Variants in TSC22D3 observed in about 807,000 individuals in gnomAD.
TSC22D3 encodes TSC22 domain family protein 3.
Under a neutral mutation model 11.1 loss-of-function variants are expected in TSC22D3, and 4 were observed. The ratio of observed to expected loss-of-function variants is 0.36; its 90% CI spans 0.18 to 0.83. TSC22D3 has a LOEUF of 0.83. TSC22D3 is among the 40% of genes least tolerant of loss of function. TSC22D3 has a pLI of 0.48. For synonymous variants in TSC22D3, 77 were observed against 70.3 expected (o/e 1.10, Z -0.48); for missense variants, 118 against 159.4 (o/e 0.74, Z 1.40).
In TSC22D3 at chrX:107,757,525, C is replaced by A. The variant is rs181983271; in HGVS notation, c.320+17575G>T. The stretch of plus-strand genomic sequence containing the variant: ...CAGGTGATGAACAAAACACTACAAA[C>A]TTTAAAAGAAACATATAGATTCTTA... On this transcript the variant is annotated intron_variant, in intron 1 of 2. Transcript: ENST00000372383. Among the ~76,000 whole-genome samples the A allele has an allele frequency of 2.1e-4, 24 of 112,414 alleles. 1 individual carries two copies. The highest frequency in any genetic ancestry group is 1.6e-3 in the Admixed American group (17 of 10,681).
intron 1 of TSC22D3, chrX:107,716,581 G>C: frequency 1.2e-5 from 9 of 732,971 alleles, no homozygotes; most frequent in South Asian, 7.7e-5. Flanking sequence ...ATGCTGCACC[G>C]CGGGGAACAG....
At chrX:107,716,545 T>TGGCCGC in intron 1 of TSC22D3, 1 of 796,121 alleles carries the variant, frequency 1.3e-6, no homozygotes, top group Non-Finnish European at 1.5e-6. Flanking sequence ...CCTTCCTGCG[T>TGGCCGC]CCCCTCCCCC....
intron 1 of TSC22D3, among the ~76,000 whole-genome samples, chrX:107,770,536 C>T (rs966111431): frequency 2.2e-4 from 25 of 111,665 alleles, no homozygotes; most frequent in Non-Finnish European, 4.5e-4. Context: ...TTATCATTTT[C>T]TGAGCATTTA....
intron 1 of TSC22D3, among the ~76,000 whole-genome samples, chrX:107,766,280 C>A (rs890929214): frequency 8.9e-6 from 1 of 111,888 alleles, no homozygotes; most frequent in Non-Finnish European, 1.9e-5. Flanking sequence ...ATGTAATTTT[C>A]TGAATAGGCC....
chrX:107,753,489 T>C (rs1929032489), intron 1 of TSC22D3, among the ~76,000 whole-genome samples: 1 of 111,288 alleles, frequency 9.0e-6, no homozygotes, highest in Non-Finnish European at 1.9e-5. Flanking sequence ...CAGACTCACA[T>C]GGGTCAGACG....
In TSC22D3 at chrX:107,714,430, T is replaced by G; in HGVS notation, c.*89A>C. On this transcript the variant is annotated 3_prime_UTR_variant, in exon 3 of 3. Transcript: ENST00000372383. ...TGTGCTAGGTGTAAAGTTCTCCTCG[T>G]GAGATGATGCTTGGGGAGCCAAAAA... 1.5e-4 allele frequency: 129 copies of G among 849,797 alleles called. No individual in the cohort carries two copies. The highest frequency in any genetic ancestry group is 1.9e-4 in the Non-Finnish European group (113 of 606,730). 70.0% of individuals were successfully genotyped at this position (849,797 alleles called of 1,213,427 possible). A position where few individuals can be genotyped will look rare whatever the true frequency, so the allele number is the denominator to read the frequency against.
chrX:107,762,499 G>A (rs1929481371), intron 1 of TSC22D3, among the ~76,000 whole-genome samples: 1 of 111,240 alleles, frequency 9.0e-6, no homozygotes, highest in Non-Finnish European at 1.9e-5. Context: ...TTTCTTATAA[G>A]CACCTGGTCC....
At position 107,775,533 on chromosome X, in the gene TSC22D3, G is replaced by T; in HGVS notation, c.-114C>A. On this transcript the variant is annotated 5_prime_UTR_variant, in exon 1 of 3. Coordinates refer to ENST00000372383, the MANE Select transcript of TSC22D3 (RefSeq NM_198057.3). ...GTGCCTGGAAAAGACAAGCTGTGAGGAAAAGAGTTGGAAATTAGCGCCTAA... is the reference window on the plus strand; with the variant it reads ...GTGCCTGGAAAAGACAAGCTGTGAGTAAAAGAGTTGGAAATTAGCGCCTAA... The T allele has an allele frequency of 1.7e-6, 1 of 594,010 alleles. No homozygotes were observed. The highest frequency in any genetic ancestry group is 2.5e-6 in the Non-Finnish European group (1 of 394,548). 49.0% of individuals were successfully genotyped at this position (594,010 alleles called of 1,213,427 possible). A position where few individuals can be genotyped will look rare whatever the true frequency, so the allele number is the denominator to read the frequency against.
At chrX:107,726,974 A>G (rs1012570068) in intron 1 of TSC22D3, among the ~76,000 whole-genome samples, 1 of 112,112 alleles carries the variant, frequency 8.9e-6, no homozygotes, top group Non-Finnish European at 1.9e-5. Context: ...AGCTAAAGTA[A>G]ATATGGAAAC....
rs1929177180 is a variant in TSC22D3 at position 107,756,413 on chromosome X, C to T, written c.320+18687G>A. On this transcript the variant is annotated intron_variant, in intron 1 of 2. Transcript: ENST00000372383. Reference sequence around the variant, plus strand: ...ATAAATAGCTATAAAAATAGAAAAACAAAGTTAGTCCACGTACCACCTAAA... The same window carrying T: ...ATAAATAGCTATAAAAATAGAAAAATAAAGTTAGTCCACGTACCACCTAAA... Among the ~76,000 whole-genome samples, 3 of 112,482 alleles carry T rather than the reference C, an allele frequency of 2.7e-5. No individual in the cohort carries two copies. In the Admixed American group the frequency reaches 2.8e-4, roughly 11 times the overall value.
At chrX:107,752,654 G>T (rs1342368772) in intron 1 of TSC22D3, among the ~76,000 whole-genome samples, 1 of 111,584 alleles carries the variant, frequency 9.0e-6, no homozygotes, top group African/African-American at 3.3e-5. Flanking sequence ...GGCTGGTTTT[G>T]ATTTTTCAGC....
Position 107,715,669 on chromosome X carries a change from T to C in TSC22D3, c.372+230A>G, listed in dbSNP as rs188716246. 36 of 455,727 alleles carry C rather than the reference T, an allele frequency of 7.9e-5. No individual in the cohort carries two copies. The East Asian group carries it at 1.2e-3, about 15-fold the overall frequency. 37.6% of individuals were successfully genotyped at this position (455,727 alleles called of 1,213,427 possible). ...AGAGTCAGAGCCTGCGGCAAAGACCTGAGATGGAGGAGGGAGGAAGAAAGG... is the reference window on the plus strand; with the variant it reads ...AGAGTCAGAGCCTGCGGCAAAGACCCGAGATGGAGGAGGGAGGAAGAAAGG... On this transcript the variant is annotated intron_variant, in intron 2 of 2. Transcript: ENST00000372383.
chrX:107,722,244 A>C (rs73525028), intron 1 of TSC22D3: 3,480 of 167,417 alleles, frequency 0.021, 125 homozygotes, highest in African/African-American at 0.097. Context: ...AGAGATGGAC[A>C]CTGTCTTGGA....
chrX:107,742,267 GAGAGAGAGAGAGAA>G (rs1406637148), intron 1 of TSC22D3, among the ~76,000 whole-genome samples: 70 of 74,503 alleles, frequency 9.4e-4, no homozygotes, highest in African/African-American at 2.2e-3. Flanking sequence ...ATTTGAGAGA[GAGAGAGAGAGAGAA>G]AGAGAGAGAG....
chrX:107,715,882 G>T lies in TSC22D3; in HGVS notation c.372+17C>A, dbSNP rs374184409. ...AGCTAAGTCAGGGGATGAGAATGACGCAGTGATGCCACTCACCATGGCCTG... is the reference window on the plus strand; with the variant it reads ...AGCTAAGTCAGGGGATGAGAATGACTCAGTGATGCCACTCACCATGGCCTG... On this transcript the variant is annotated intron_variant, in intron 2 of 2. Coordinates refer to ENST00000372383, the MANE Select transcript of TSC22D3 (RefSeq NM_198057.3). 8.3e-7 allele frequency: 1 copy of T among 1,209,537 alleles called. No homozygotes were observed. The highest frequency in any genetic ancestry group is 1.1e-6 in the Non-Finnish European group (1 of 893,567).
intron 1 of TSC22D3, among the ~76,000 whole-genome samples, chrX:107,737,859 G>A (rs193211519): frequency 8.9e-6 from 1 of 112,240 alleles, no homozygotes; most frequent in African/African-American, 3.2e-5. Context: ...GGCAGAGAAA[G>A]CTCAGCAAAG....
At chrX:107,753,112 C>T (rs1248866089) in intron 1 of TSC22D3, among the ~76,000 whole-genome samples, 3 of 110,925 alleles carry the variant, frequency 2.7e-5, no homozygotes, top group Non-Finnish European at 3.8e-5. Context: ...AGGCCAGGAG[C>T]AGTACAAGCC....
intron 1 of TSC22D3, among the ~76,000 whole-genome samples, chrX:107,769,795 G>A (rs1202960845): frequency 4.5e-5 from 5 of 109,973 alleles, no homozygotes; most frequent in East Asian, 2.8e-4. Context: ...TGAAAGGACC[G>A]GCCCCCACCT....
At chrX:107,714,893 C>T (rs1926929728) in intron 2 of TSC22D3, 144 bp from the exon 3 acceptor site, 3 of 526,873 alleles carry the variant, frequency 5.7e-6, no homozygotes, top group African/African-American at 2.3e-5. Context: ...CTGGCAAGTC[C>T]AATTCCTCGT....
Sources: gnomAD v4.1 joint callset for allele counts (sites outside exome capture counted in the v4.1 genomes callset) on GRCh38, gnomAD v4.1.1 for gene constraint, MANE v1.5 for transcripts, NCBI Gene and HGNC (gene_info 2026-07-23, HGNC 2026-07-21) for gene names.